The following MAMDC2 variants were observed in gnomAD, a reference collection of about 807,000 sequenced individuals.
MAMDC2 encodes MAM domain-containing protein 2.
MAMDC2 carries 57 observed loss-of-function variants against 89.8 expected under a neutral mutation model. That is an observed-to-expected ratio of 0.63 (90% CI 0.51 to 0.79). The LOEUF is 0.79. Among genes scored for constraint, MAMDC2 ranks in the 30% least tolerant of loss-of-function variants. The pLI is 0.00. For synonymous variants in MAMDC2, 313 were observed against 293.4 expected, an observed-to-expected ratio of 1.07 and a Z score of -0.68; for missense variants, 800 against 820.6, an observed-to-expected ratio of 0.97 and a Z score of 0.31.
intron 11 of MAMDC2, among the ~76,000 whole-genome samples, chr9:70,205,019 C>A (rs1296911202): frequency 6.6e-6 from 1 of 152,250 alleles, no homozygotes; most frequent in African/African-American, 2.4e-5. Flanking sequence ...CCGTCTTCTG[C>A]CTCGCTCACG....
In MAMDC2 at chr9:70,168,776, G is replaced by T; in HGVS notation, c.1479G>T (p.Leu493Phe). 1 of 1,613,904 alleles carries T rather than the reference G, an allele frequency of 6.2e-7. No homozygotes were observed. The highest frequency in any genetic ancestry group is 1.1e-5 in the South Asian group (1 of 91,058). ...LVALDDITIQ[L>F]GSCSSSEKLP... ...CCCTGGATGACATTACAATACAATTGGGAAGCTGCTCATCTTCAGGTAAGA... is the reference window on the plus strand; with the variant it reads ...CCCTGGATGACATTACAATACAATTTGGAAGCTGCTCATCTTCAGGTAAGA... The change falls in exon 10 of 14, where the codon TTG (leucine) becomes TTT (phenylalanine). Residue 493 changes from leucine (L) to phenylalanine (F), a missense_variant. Coordinates refer to ENST00000377182, the MANE Select transcript of MAMDC2 (RefSeq NM_153267.5).
rs144867480 is a variant in MAMDC2, at chr9:70,084,189, A to G, written c.149-24022A>G. 1.2e-4 allele frequency among the ~76,000 whole-genome samples: 18 copies of G among 152,012 alleles called. No individual in the cohort carries two copies. The East Asian group carries it at 3.5e-3, about 29-fold the overall frequency. ...GAGACGGGAGACTCATAACCCTTAA[A>G]TCTCTCACTCAGGTCTTTCATGTAT... On this transcript the variant is annotated intron_variant, in intron 2 of 13. Coordinates refer to ENST00000377182, the MANE Select transcript of MAMDC2 (RefSeq NM_153267.5).
At position 70,126,408 on chromosome 9, in the gene MAMDC2, C is replaced by G; in HGVS notation, c.893C>G (p.Pro298Arg). Residue 298 changes from proline to arginine, a missense_variant, in exon 6 of 14, where the codon CCC becomes CGC. By Grantham distance (103) the Pro-to-Arg change is moderately radical (BLOSUM62 -2). Coordinates refer to ENST00000377182, the MANE Select transcript of MAMDC2 (RefSeq NM_153267.5). The part of the protein sequence containing the change: ...LAEVEFSAPY[P>R]MEVIFEVAFN... ...GAGGTCGAGTTCAGTGCTCCTTACC[C>G]CATGGAGGTAGGTGTACTGGTGCGC... 1.2e-6 allele frequency: 2 copies of G among 1,612,864 alleles called. No individual in the cohort carries two copies. Among genetic ancestry groups the G allele is most frequent in the Non-Finnish European group, 8.5e-7 (1 of 1,179,626 alleles).
chr9:70,209,415 C>A (rs560876631), intron 11 of MAMDC2, among the ~76,000 whole-genome samples: 4 of 152,280 alleles, frequency 2.6e-5, no homozygotes, highest in East Asian at 1.9e-4. Flanking sequence ...AGTTTATTTT[C>A]ATAGAGGTGT....
Position 70,217,630 on chromosome 9 carries a change from G to A in MAMDC2, c.1652-707G>A, listed in dbSNP as rs2033473945. ...ACCTAAGCAAAAGATTGTGAAGCCT[G>A]TGAAAGTTTCAGCTCCCCAAGTTGG... On this transcript the variant is annotated intron_variant, in intron 11 of 13. Coordinates refer to ENST00000377182, the MANE Select transcript of MAMDC2 (RefSeq NM_153267.5). 3 of 1,610,724 alleles carry A rather than the reference G, an allele frequency of 1.9e-6. No individual in the cohort carries two copies. The African/African-American group carries it at 4.0e-5, about 22-fold the overall frequency.
chr9:70,209,295 C>A (rs1189500719), intron 11 of MAMDC2, among the ~76,000 whole-genome samples: 4 of 152,124 alleles, frequency 2.6e-5, no homozygotes, highest in Non-Finnish European at 5.9e-5. Context: ...TTAATTATTG[C>A]CTCAATTTCA....
At chr9:70,080,376 G>A (rs1040503646) in intron 2 of MAMDC2, among the ~76,000 whole-genome samples, 9 of 152,140 alleles carry the variant, frequency 5.9e-5, no homozygotes, top group African/African-American at 2.2e-4. Context: ...ACATTTCCAA[G>A]TCTATAGAGA....
chr9:70,124,517 C>T (rs906446856), intron 5 of MAMDC2, among the ~76,000 whole-genome samples: 62 of 152,122 alleles, frequency 4.1e-4, no homozygotes, highest in Non-Finnish European at 7.6e-4. Context: ...CCATTTTTCC[C>T]TTCTGCCATG....
At chr9:70,173,286 A>G (rs935298720) in intron 11 of MAMDC2, among the ~76,000 whole-genome samples, 2 of 152,128 alleles carry the variant, frequency 1.3e-5, no homozygotes, top group African/African-American at 4.8e-5. Context: ...TCTTGAGGGC[A>G]TAGTACTATA....
At position 70,128,654 on chromosome 9, in the gene MAMDC2, GA is replaced by G. The variant is rs142736907; in HGVS notation, c.900+2251del. On this transcript the variant is annotated intron_variant, in intron 6 of 13. Coordinates refer to ENST00000377182, the MANE Select transcript of MAMDC2 (RefSeq NM_153267.5). ...AAGTTCAAGAGGGAGTCAACCTGCA[GA>G]AAAAAAAAAAATTATTTTTGAAACA... Among the ~76,000 whole-genome samples the G allele has an allele frequency of 8.2e-4, 120 of 145,474 alleles. 1 individual carries two copies. The highest frequency in any genetic ancestry group is 2.2e-3 in the East Asian group (11 of 5,018).
At chr9:70,146,417 C>T (rs895931825) in intron 9 of MAMDC2, among the ~76,000 whole-genome samples, 2 of 152,296 alleles carry the variant, frequency 1.3e-5, no homozygotes, top group South Asian at 2.1e-4. Flanking sequence ...CAAAGTGGCC[C>T]TTAGTTCTTG....
At chr9:70,194,720 GTAT>G (rs1339366638) in intron 11 of MAMDC2, among the ~76,000 whole-genome samples, 4 of 152,196 alleles carry the variant, frequency 2.6e-5, no homozygotes, top group African/African-American at 7.2e-5. Context: ...GAATTGAATG[GTAT>G]TATTATTTTT....
chr9:70,078,586 A>G lies in MAMDC2; in HGVS notation c.149-29625A>G, dbSNP rs557219887. 6.6e-5 allele frequency among the ~76,000 whole-genome samples: 10 copies of G among 152,280 alleles called. No homozygotes were observed. In the East Asian group the frequency reaches 1.9e-3, roughly 29 times the overall value. On this transcript the variant is annotated intron_variant, in intron 2 of 13. Coordinates refer to ENST00000377182, the MANE Select transcript of MAMDC2 (RefSeq NM_153267.5). ...TGTTGATTAGTGATTGGCTATATAC[A>G]TTGTTAAGGTATAGGGTGTGGGTTG...
At chr9:70,196,505 G>C (rs906499966) in intron 11 of MAMDC2, among the ~76,000 whole-genome samples, 7 of 152,096 alleles carry the variant, frequency 4.6e-5, no homozygotes, top group African/African-American at 1.7e-4. Flanking sequence ...GGGATCCCCT[G>C]AAACAAGTGA....
rs2118709945 is a variant in MAMDC2 at position 70,226,182 on chromosome 9, A to G, written c.*150A>G. The G allele has an allele frequency of 2.1e-6, 1 of 486,614 alleles. No individual in the cohort carries two copies. Among genetic ancestry groups the G allele is most frequent in the Non-Finnish European group, 3.7e-6 (1 of 272,808 alleles). The allele number at this position is 486,614 out of a possible 1,614,324, so 30.1% of individuals were successfully genotyped here. On this transcript the variant is annotated 3_prime_UTR_variant, in exon 14 of 14. Coordinates refer to ENST00000377182, the MANE Select transcript of MAMDC2 (RefSeq NM_153267.5). The stretch of plus-strand genomic sequence containing the variant: ...CCTCCTTCATTACTTTTGCAAAAAC[A>G]TACTGACTCAGGGCTCTTTTTTTCT...
At chr9:70,059,726 A>G (rs1377591307) in intron 2 of MAMDC2, among the ~76,000 whole-genome samples, 1 of 152,180 alleles carries the variant, frequency 6.6e-6, no homozygotes, top group Non-Finnish European at 1.5e-5. Context: ...CGTTTTTTCC[A>G]GAGACAGTGT....
chr9:70,079,054 GGGAGCCATCTTCT>G (rs1827598311), intron 2 of MAMDC2, among the ~76,000 whole-genome samples: 1 of 152,146 alleles, frequency 6.6e-6, no homozygotes, highest in Admixed American at 6.5e-5. Flanking sequence ...TTAGCACAGA[GGGAGCCATCTTCT>G]GGAATTTGTC....
At chr9:70,077,255 C>T (rs563818889) in intron 2 of MAMDC2, among the ~76,000 whole-genome samples, 1 of 152,292 alleles carries the variant, frequency 6.6e-6, no homozygotes, top group Admixed American at 6.5e-5. Context: ...GTAGCTGATA[C>T]GCAACAGAGG....
chr9:70,108,534 T>A, intron 3 of MAMDC2, 52 bp downstream of exon 3: 1 of 1,461,576 alleles, frequency 6.8e-7, no homozygotes, highest in Non-Finnish European at 9.1e-7. Flanking sequence ...TGCTTTATAC[T>A]ATTCTAAAAT....
Sources: gnomAD v4.1 joint callset for allele counts (sites outside exome capture counted in the v4.1 genomes callset) on GRCh38, gnomAD v4.1.1 for gene constraint, MANE v1.5 for transcripts, NCBI Gene and HGNC (gene_info 2026-07-23, HGNC 2026-07-21) for gene names.